CYP2J2: variants seen among roughly 807,000 people sequenced by gnomAD.
CYP2J2 encodes cytochrome P450 2J2.
CYP2J2 carries 41 observed loss-of-function variants against 48.8 expected under a neutral mutation model. The ratio of observed to expected loss-of-function variants is 0.84; its 90% CI spans 0.66 to 1.09. The LOEUF is 1.09. Among genes scored for constraint, CYP2J2 ranks in the 50% least tolerant of loss-of-function variants. CYP2J2 has a pLI of 0.00. For synonymous variants in CYP2J2, 221 were observed against 227.1 expected, an observed-to-expected ratio of 0.97 and a Z score of 0.24; for missense variants, 644 against 617.3, an observed-to-expected ratio of 1.04 and a Z score of -0.46.
the CYP2J2 span, among the ~76,000 whole-genome samples, chr1:59,950,156 G>A: frequency 1.3e-5 from 2 of 152,128 alleles, no homozygotes; most frequent in Admixed American, 6.5e-5. Context: ...CTCCATTTCC[G>A]AGAATCTCCT....
chr1:59,932,356 AAAT>A, the CYP2J2 span, among the ~76,000 whole-genome samples: 1 of 152,160 alleles, frequency 6.6e-6, no homozygotes, highest in Non-Finnish European at 1.5e-5. Flanking sequence ...ATAAGATATA[AAAT>A]AATATCTAAA....
rs764789398 is a variant in CYP2J2, at chr1:59,904,928, CA to C, written c.1133del (p.Leu378ArgfsTer7). 3.7e-6 allele frequency: 6 copies of C among 1,613,828 alleles called. No homozygotes were observed. The highest frequency in any genetic ancestry group is 4.2e-6 in the Non-Finnish European group (5 of 1,179,910). ...CAACTGTCACTTCCCTGGGAACGTT[CA>C]GGGGGATGATGTTGCCCATTCTCTG... ...EVQRMGNIIP[L>X]NVPREVTVDT... On this transcript the variant is annotated frameshift_variant, in exon 7 of 9. Coordinates refer to ENST00000371204, the MANE Select transcript of CYP2J2 (RefSeq NM_000775.4). LOFTEE classifies it high-confidence loss of function.
At chr1:59,964,498 T>A in the CYP2J2 span, among the ~76,000 whole-genome samples, 1 of 152,346 alleles carries the variant, frequency 6.6e-6, no homozygotes, top group East Asian at 1.9e-4. Flanking sequence ...TATATCCTAG[T>A]TGCAAGAGAG....
intron 7 of CYP2J2, chr1:59,904,610 T>G: frequency 2.5e-6 from 1 of 407,032 alleles, no homozygotes; most frequent in Non-Finnish European, 4.4e-6. Flanking sequence ...ATTAGCATAG[T>G]AAAAACACTG....
the CYP2J2 span, among the ~76,000 whole-genome samples, chr1:59,959,345 G>C: frequency 1.3e-5 from 2 of 152,080 alleles, no homozygotes; most frequent in African/African-American, 4.8e-5. Flanking sequence ...ATGGAAAACA[G>C]TGTGTAGATT....
the CYP2J2 span, among the ~76,000 whole-genome samples, chr1:59,965,676 G>T: frequency 1.3e-5 from 2 of 152,180 alleles, no homozygotes; most frequent in Middle Eastern, 3.4e-3. Context: ...TTTTGAGACA[G>T]AGTCTCACTC....
rs2102144248 is a variant in CYP2J2, at chr1:59,926,670, A to G, written c.77T>C (p.Val26Ala). The G allele has an allele frequency of 6.2e-7, 1 of 1,614,168 alleles. No homozygotes were observed. Among genetic ancestry groups the G allele is most frequent in the Non-Finnish European group, 8.5e-7 (1 of 1,180,016 alleles). ...AAAGTCAGCAGCGAGCAGAAAGGCGACAGTGCCCAGTAGGAGAGTCCGAGG... is the reference window on the plus strand; with the variant it reads ...AAAGTCAGCAGCGAGCAGAAAGGCGGCAGTGCCCAGTAGGAGAGTCCGAGG... The part of the protein sequence containing the change: ...VHPRTLLLGT[V>A]AFLLAADFLK... The change falls in exon 1 of 9, where the codon GTC (valine) becomes GCC (alanine). Residue 26 changes from valine to alanine, a missense_variant. By Grantham distance (64) the Val-to-Ala change is moderately conservative (BLOSUM62 0). Transcript: ENST00000371204.
chr1:59,967,453 G>T, the CYP2J2 span, among the ~76,000 whole-genome samples: 1 of 152,228 alleles, frequency 6.6e-6, no homozygotes, highest in Non-Finnish European at 1.5e-5. Flanking sequence ...ACCACAAGCA[G>T]CAGGGACAGG....
the CYP2J2 span, among the ~76,000 whole-genome samples, chr1:59,944,533 TG>T: frequency 6.6e-6 from 1 of 152,212 alleles, no homozygotes; most frequent in Admixed American, 6.5e-5. Context: ...TAAAAATTCT[TG>T]AGTATGTCTG....
At chr1:59,969,059 G>C in the CYP2J2 span, among the ~76,000 whole-genome samples, 14 of 152,142 alleles carry the variant, frequency 9.2e-5, no homozygotes, top group South Asian at 4.2e-4. Context: ...TGGTGGGCTC[G>C]TGGTCTTGCT....
the CYP2J2 span, among the ~76,000 whole-genome samples, chr1:59,956,549 G>A: frequency 6.6e-6 from 1 of 151,978 alleles, no homozygotes; most frequent in East Asian, 1.9e-4. Flanking sequence ...GAAGTAATTT[G>A]CAAGAAACAA....
Position 59,893,868 on chromosome 1 carries a change from T to C in CYP2J2, c.1331-39A>G, listed in dbSNP as rs768543767. 1.6e-5 allele frequency: 25 copies of C among 1,566,380 alleles called. No homozygotes were observed. The East Asian group carries it at 4.3e-4, about 27-fold the overall frequency. On this transcript the variant is annotated intron_variant, in intron 8 of 8. Coordinates refer to ENST00000371204, the MANE Select transcript of CYP2J2 (RefSeq NM_000775.4). ...TCAAAAGACGGGTTATCTTCTCAGG[T>C]GGCATTTGTGCCTAGCAGAGATTGC...
the CYP2J2 span, among the ~76,000 whole-genome samples, chr1:59,945,391 CTCTA>C: frequency 1.3e-5 from 2 of 150,460 alleles, no homozygotes; most frequent in African/African-American, 4.9e-5. Flanking sequence ...GTAAAATTCT[CTCTA>C]TCTCTTTCTG....
At chr1:59,965,393 C>A in the CYP2J2 span, among the ~76,000 whole-genome samples, 1 of 152,222 alleles carries the variant, frequency 6.6e-6, no homozygotes, top group Non-Finnish European at 1.5e-5. Flanking sequence ...GAGGGCTGAG[C>A]CCTGGGCTAC....
chr1:59,898,082 G>A (rs1644285224), intron 8 of CYP2J2, among the ~76,000 whole-genome samples: 1 of 152,208 alleles, frequency 6.6e-6, no homozygotes, highest in South Asian at 2.1e-4. Context: ...TTCTCAGTCA[G>A]AAAGAGAGAT....
At chr1:59,920,811 C>T (rs1644505637) in intron 1 of CYP2J2, among the ~76,000 whole-genome samples, 1 of 152,042 alleles carries the variant, frequency 6.6e-6, no homozygotes, top group African/African-American at 2.4e-5. Flanking sequence ...TTTAACTTTT[C>T]TCTGTCTTAG....
upstream of CYP2J2, among the ~76,000 whole-genome samples, chr1:59,929,478 T>C (rs1644592516): frequency 6.6e-6 from 1 of 152,246 alleles, no homozygotes; most frequent in South Asian, 2.1e-4. Flanking sequence ...AACTTAATTA[T>C]AAATATGTCC....
At chr1:59,902,951 T>C (rs1193590562) in intron 7 of CYP2J2, among the ~76,000 whole-genome samples, 1 of 152,216 alleles carries the variant, frequency 6.6e-6, no homozygotes, top group Non-Finnish European at 1.5e-5. Context: ...GTAGACTGTG[T>C]AACACACAAT....
At chr1:59,915,829 T>C (rs935596890) in intron 2 of CYP2J2, 109 bp downstream of exon 2, 13 of 1,038,204 alleles carry the variant, frequency 1.3e-5, no homozygotes, top group African/African-American at 3.2e-5. Flanking sequence ...AAGTTTATTA[T>C]GGGGCTGGTT....
Sources: gnomAD v4.1 joint callset for allele counts (sites outside exome capture counted in the v4.1 genomes callset) on GRCh38, gnomAD v4.1.1 for gene constraint, MANE v1.5 for transcripts, NCBI Gene and HGNC (gene_info 2026-07-23, HGNC 2026-07-21) for gene names.